STK11: variants seen among roughly 807,000 people sequenced by gnomAD.
STK11 encodes serine/threonine kinase 11.
A neutral mutation model predicts 47.3 loss-of-function variants in STK11; 8 were observed. The observed-to-expected ratio is 0.17, with a 90% CI of 0.10 to 0.31. The LOEUF is 0.31. Ranked by LOEUF, STK11 falls within the 10% of genes least tolerant of loss-of-function variation. The pLI, the probability that STK11 is intolerant of heterozygous loss-of-function variation, is 1.00. For synonymous variants in STK11, 330 were observed against 255.8 expected, an observed-to-expected ratio of 1.29 and a Z score of -2.77; for missense variants, 475 against 605.0, an observed-to-expected ratio of 0.79 and a Z score of 2.25.
intron 6 of STK11, 171 bp from the exon 7 acceptor site, chr19:1,221,778 G>A: frequency 2.8e-6 from 2 of 709,626 alleles, no homozygotes; most frequent in East Asian, 5.4e-5. Context: ...TCCCCGGCAT[G>A]TCCCAGGAGT....
At position 1,219,310 on chromosome 19, in the gene STK11, C is replaced by T. The variant is rs2080764991; in HGVS notation, c.375-14C>T. ...TGGGGCCGCCCCCTGAGCTGTGTGT[C>T]CTTAGCGCCCCACGTATATGGTGAT... On this transcript the variant is annotated splice_polypyrimidine_tract_variant and intron_variant, in intron 2 of 9. Coordinates refer to ENST00000326873, the MANE Select transcript of STK11 (RefSeq NM_000455.5). 2 of 1,572,102 alleles carry T rather than the reference C, an allele frequency of 1.3e-6. No homozygotes were observed. Among genetic ancestry groups the T allele is most frequent in the East Asian group, 4.7e-5 (2 of 42,490 alleles).
chr19:1,207,328 T>G, intron 1 of STK11, 125 bp downstream of exon 1: 1 of 1,306,698 alleles, frequency 7.7e-7, no homozygotes, highest in East Asian at 2.5e-5. Context: ...TGGACCCGTC[T>G]GGCGCCTGTG....
In STK11 at chr19:1,214,450, G is replaced by A. The variant is rs536923719; in HGVS notation, c.291-3967G>A. Among the ~76,000 whole-genome samples the A allele has an allele frequency of 5.9e-5, 9 of 152,318 alleles. No individual in the cohort carries two copies. The East Asian group carries it at 1.2e-3, about 20-fold the overall frequency. ...TGTCCTGCTGCTGTGAAGTGTCCCC[G>A]TTGAGGTGGAGGCAGGGCAGGGCGC... On this transcript the variant is annotated intron_variant, in intron 1 of 9. Transcript: ENST00000326873.
At chr19:1,224,271 C>T in intron 8 of STK11, 1 of 985,310 alleles carries the variant, frequency 1.0e-6, no homozygotes, top group African/African-American at 1.7e-5. Context: ...GTGTGTGGGG[C>T]CCCCAGGATC....
rs2145404237 is a variant in STK11 at position 1,206,886 on chromosome 19, G to A, written c.-28G>A. On this transcript the variant is annotated 5_prime_UTR_variant, in exon 1 of 10. Coordinates refer to ENST00000326873, the MANE Select transcript of STK11 (RefSeq NM_000455.5). Reference sequence around the variant, plus strand: ...GCTCACCCGCGGACTCAGGGCTGGCGGCGGGACTCCAGGACCCTGGGTCCA... The same window carrying A: ...GCTCACCCGCGGACTCAGGGCTGGCAGCGGGACTCCAGGACCCTGGGTCCA... 1.3e-6 allele frequency: 2 copies of A among 1,541,812 alleles called. No homozygotes were observed. The highest frequency in any genetic ancestry group is 1.8e-6 in the Non-Finnish European group (2 of 1,137,884).
rs762458568 is a variant in STK11 at position 1,221,366 on chromosome 19, A to C, written c.862+26A>C. On this transcript the variant is annotated intron_variant, in intron 6 of 9. Coordinates refer to ENST00000326873, the MANE Select transcript of STK11 (RefSeq NM_000455.5). ...GTGGGAGCCTCATCCCTCTGCCCGC[A>C]GCCCCAGGGAGGCGGGGCTTTTGTG... 1.4e-5 allele frequency: 22 copies of C among 1,584,934 alleles called. No individual in the cohort carries two copies. In the African/African-American group the frequency reaches 2.2e-4, roughly 16 times the overall value.
intron 6 of STK11, chr19:1,221,739 C>T (rs1019739140): frequency 1.6e-6 from 1 of 629,376 alleles, no homozygotes; most frequent in African/African-American, 1.8e-5. Context: ...CAGCCCAGCC[C>T]TGTCTCCCTG....
chr19:1,206,961 G>C lies in STK11; in HGVS notation c.48G>C (p.Glu16Asp), dbSNP rs969419908. 6.2e-7 allele frequency: 1 copy of C among 1,609,314 alleles called. No homozygotes were observed. The highest frequency in any genetic ancestry group is 2.2e-5 in the East Asian group (1 of 44,730). Residue 16 changes from glutamate to aspartate, a missense_variant, in exon 1 of 10, where the codon GAG (glutamate) becomes GAC (aspartate). Physicochemically the swap from Glu to Asp is conservative, Grantham distance 45. Coordinates refer to ENST00000326873, the MANE Select transcript of STK11 (RefSeq NM_000455.5). ...AGCTGGGCATGTTCACGGAGGGCGAGCTGATGTCGGTGGGTATGGACACGT... is the reference window on the plus strand; with the variant it reads ...AGCTGGGCATGTTCACGGAGGGCGACCTGATGTCGGTGGGTATGGACACGT... ...PQQLGMFTEG[E>D]LMSVGMDTFI...
At position 1,227,938 on chromosome 19, in the gene STK11, C is replaced by T. The variant is rs935671399; in HGVS notation, c.*362C>T. 17 of 1,070,106 alleles carry T rather than the reference C, an allele frequency of 1.6e-5. No individual in the cohort carries two copies. Among genetic ancestry groups the T allele is most frequent in the African/African-American group, 3.3e-5 (2 of 61,050 alleles). 66.3% of individuals were successfully genotyped at this position (1,070,106 alleles called of 1,614,324 possible). ...GGCGCCCAGCGCCGTCCGGCGGCCCCGCCGCAGACCAGCTGGCGGGTGTGG... is the reference window on the plus strand; with the variant it reads ...GGCGCCCAGCGCCGTCCGGCGGCCCTGCCGCAGACCAGCTGGCGGGTGTGG... On this transcript the variant is annotated 3_prime_UTR_variant, in exon 10 of 10. Transcript: ENST00000326873.
chr19:1,218,320 G>A (rs2080757565), intron 1 of STK11, 97 bp from the exon 2 acceptor site: 2 of 984,662 alleles, frequency 2.0e-6, no homozygotes, highest in East Asian at 2.4e-5. Context: ...GAGGAGGTAC[G>A]CCACTTCCAC....
chr19:1,219,261 C>A, intron 2 of STK11, 63 bp from the exon 3 acceptor site: 1 of 1,537,554 alleles, frequency 6.5e-7, no homozygotes, highest in Non-Finnish European at 8.8e-7. Context: ...CTTTTCTGGC[C>A]CCCGTGCTCC....
intron 1 of STK11, among the ~76,000 whole-genome samples, chr19:1,214,420 C>T (rs922927522): frequency 6.6e-6 from 1 of 152,336 alleles, no homozygotes; most frequent in African/African-American, 2.4e-5. Flanking sequence ...GTTTCAGCTG[C>T]TGTGTGTCCT....
At chr19:1,210,650 AC>A (rs1338321878) in intron 1 of STK11, among the ~76,000 whole-genome samples, 1 of 152,148 alleles carries the variant, frequency 6.6e-6, no homozygotes, top group Admixed American at 6.5e-5. Context: ...CGGGTGGATC[AC>A]CCGAGGTTGG....
rs1033259113 is a variant in STK11 at position 1,224,212 on chromosome 19, G to A, written c.1108+1040G>A. 6.1e-6 allele frequency: 6 copies of A among 984,932 alleles called. No individual in the cohort carries two copies. The African/African-American group carries it at 1.1e-4, about 17-fold the overall frequency. 61.0% of individuals were successfully genotyped at this position (984,932 alleles called of 1,614,324 possible). The stretch of plus-strand genomic sequence containing the variant: ...GTCCCCGGGGGGTACAGTGTCTGGG[G>A]GCCCCCCAGGAGGATGCAGCATGTG... On this transcript the variant is annotated intron_variant, in intron 8 of 9. Coordinates refer to ENST00000326873, the MANE Select transcript of STK11 (RefSeq NM_000455.5).
At chr19:1,226,387 A>G (rs1392949400) in intron 8 of STK11, 67 bp from the exon 9 acceptor site, 18 of 1,567,190 alleles carry the variant, frequency 1.1e-5, no homozygotes, top group East Asian at 4.7e-5. Context: ...GGTGGGGGCC[A>G]GCCAGGTCCC....
rs1358713247 is a variant in STK11 at position 1,228,074 on chromosome 19, A to G, written c.*498A>G. Reference sequence around the variant, plus strand: ...TTCTTTTTTTCTTTTTTTTTTTAAGAAAAAATAAAAGGTGGATTTGAGCTG... The same window carrying G: ...TTCTTTTTTTCTTTTTTTTTTTAAGGAAAAATAAAAGGTGGATTTGAGCTG... On this transcript the variant is annotated 3_prime_UTR_variant, in exon 10 of 10. Transcript: ENST00000326873. The G allele has an allele frequency of 9.5e-7, 1 of 1,055,934 alleles. No individual in the cohort carries two copies. The highest frequency in any genetic ancestry group is 5.2e-5 in the East Asian group (1 of 19,316). The allele number at this position is 1,055,934 out of a possible 1,614,324, so 65.4% of individuals were successfully genotyped here.
chr19:1,221,320 C>G lies in STK11; in HGVS notation c.842C>G (p.Pro281Arg), dbSNP rs121913322. Reference protein sequence around the residue: ...SYAIPGDCGPPLSDLLKGMLE... With the variant: ...SYAIPGDCGPRLSDLLKGMLE... ...GCCATCCCGGGCGACTGTGGCCCCC[C>G]GCTCTCTGACCTGCTGAAAGGTGGG... is the stretch of plus-strand genomic sequence containing the variant. The change falls in exon 6 of 10, where the codon CCG (proline) becomes CGG (arginine). Residue 281 changes from proline to arginine, a missense_variant. By Grantham distance (103) the Pro-to-Arg change is moderately radical. Coordinates refer to ENST00000326873, the MANE Select transcript of STK11 (RefSeq NM_000455.5). 19 of 1,609,376 alleles carry G rather than the reference C, an allele frequency of 1.2e-5. No individual in the cohort carries two copies. The highest frequency in any genetic ancestry group is 1.6e-5 in the Non-Finnish European group (19 of 1,178,174).
chr19:1,207,265 C>T (rs956879114), intron 1 of STK11, 62 bp downstream of exon 1: 6 of 1,523,992 alleles, frequency 3.9e-6, no homozygotes, highest in Middle Eastern at 1.8e-4. Context: ...ATGGTTCTGT[C>T]TTCCTTCCTT....
chr19:1,220,818 G>GC, intron 5 of STK11, 101 bp downstream of exon 5: 1 of 1,490,070 alleles, frequency 6.7e-7, no homozygotes. Context: ...GTGGCCACCG[G>GC]CCCAGACCCT....
Sources: gnomAD v4.1 joint callset for allele counts (sites outside exome capture counted in the v4.1 genomes callset) on GRCh38, gnomAD v4.1.1 for gene constraint, MANE v1.5 for transcripts, NCBI Gene and HGNC (gene_info 2026-07-23, HGNC 2026-07-21) for gene names.